Variants in SGCZ observed in about 807,000 individuals in gnomAD.
SGCZ encodes the protein sarcoglycan zeta.
A neutral mutation model predicts 41.3 loss-of-function variants in SGCZ; 40 were observed. The ratio of observed to expected loss-of-function variants is 0.97; its 90% confidence interval spans 0.75 to 1.26. The LOEUF (loss-of-function observed/expected upper bound fraction) is 1.26. Ranked by LOEUF, SGCZ falls within the 50% of genes most tolerant of loss-of-function variation. The pLI, the probability that SGCZ is intolerant of heterozygous loss-of-function variation, is 0.00. For missense variants in SGCZ, 552 were observed against 369.8 expected, an observed-to-expected ratio of 1.49 and a Z score of -4.04; for synonymous variants, 206 against 137.5, an observed-to-expected ratio of 1.50 and a Z score of -3.49.
intron 2 of SGCZ, among the ~76,000 whole-genome samples, chr8:14,467,030 C>A (rs938772062): frequency 6.6e-6 from 1 of 151,776 alleles, no homozygotes; most frequent in African/African-American, 2.4e-5. Flanking sequence ...ATTCTCCTCA[C>A]TTCCTCGGGT....
chr8:14,327,774 T>C (rs949968775), intron 2 of SGCZ, among the ~76,000 whole-genome samples: 1 of 152,198 alleles, frequency 6.6e-6, no homozygotes. Flanking sequence ...TCTGTAAATG[T>C]AGGACTGTTT....
At chr8:15,149,205 T>C (rs1461728833) in intron 1 of SGCZ, among the ~76,000 whole-genome samples, 1 of 152,106 alleles carries the variant, frequency 6.6e-6, no homozygotes, top group Non-Finnish European at 1.5e-5. Flanking sequence ...TAAATGACTA[T>C]CCTTCAAACA....
At chr8:15,185,775 C>A (rs2117097793) in intron 1 of SGCZ, among the ~76,000 whole-genome samples, 1 of 152,222 alleles carries the variant, frequency 6.6e-6, no homozygotes, top group East Asian at 1.9e-4. Context: ...TAATCTAAAG[C>A]CTCAAGATCT....
At chr8:15,079,393 C>T (rs1288199547) in intron 1 of SGCZ, among the ~76,000 whole-genome samples, 1 of 152,134 alleles carries the variant, frequency 6.6e-6, no homozygotes, top group African/African-American at 2.4e-5. Context: ...TCTTTGAGGA[C>T]TTCATAGACA....
At chr8:14,494,806 C>A (rs73664365) in intron 2 of SGCZ, among the ~76,000 whole-genome samples, 12 of 152,182 alleles carry the variant, frequency 7.9e-5, no homozygotes, top group African/African-American at 2.2e-4. Context: ...TTTGCAGTAG[C>A]CTGCAGTGGC....
chr8:14,411,820 G>T (rs989220064), intron 2 of SGCZ, among the ~76,000 whole-genome samples: 1 of 152,042 alleles, frequency 6.6e-6, no homozygotes, highest in East Asian at 1.9e-4. Context: ...TTAAAAATGT[G>T]CTCTTTTTCC....
At chr8:14,780,225 A>G (rs1015266956) in intron 1 of SGCZ, among the ~76,000 whole-genome samples, 1 of 151,990 alleles carries the variant, frequency 6.6e-6, no homozygotes, top group African/African-American at 2.4e-5. Flanking sequence ...ATACAAAAAA[A>G]TTAGCCTGGT....
chr8:14,986,125 T>A (rs1228845554), intron 1 of SGCZ, among the ~76,000 whole-genome samples: 2 of 152,078 alleles, frequency 1.3e-5, no homozygotes, highest in Non-Finnish European at 1.5e-5. Context: ...ATATTATGCA[T>A]TACAGTAAAT....
At chr8:14,582,839 C>T (rs1804936951) in intron 1 of SGCZ, among the ~76,000 whole-genome samples, 1 of 151,550 alleles carries the variant, frequency 6.6e-6, no homozygotes, top group South Asian at 2.1e-4. Flanking sequence ...GACATGAACT[C>T]ATCATTTTTT....
Position 14,090,499 on chromosome 8 carries a change from G to T in SGCZ, c.883C>A (p.Pro295Thr). The T allele has an allele frequency of 6.2e-7, 1 of 1,613,080 alleles. No individual in the cohort carries two copies. ...TGACAAGTGGAACCTACTCCTGCTG[G>T]AGAAAGGTAAAGTTTGCCATTGGGG... ...VCPNGKLYLSPAGVGSTCQSS... is the reference protein window; with the variant it reads ...VCPNGKLYLSTAGVGSTCQSS... The change falls in exon 8 of 8, where the codon CCA becomes ACA. Residue 295 changes from proline to threonine, a missense_variant. Coordinates refer to ENST00000382080, the MANE Select transcript of SGCZ (RefSeq NM_139167.4).
intron 2 of SGCZ, among the ~76,000 whole-genome samples, chr8:14,462,777 A>G (rs1800938715): frequency 6.6e-6 from 1 of 151,858 alleles, no homozygotes; most frequent in Non-Finnish European, 1.5e-5. Flanking sequence ...GATTTGGATA[A>G]GGATCGCATT....
At chr8:14,436,659 G>T (rs902512781) in intron 2 of SGCZ, among the ~76,000 whole-genome samples, 3 of 152,176 alleles carry the variant, frequency 2.0e-5, no homozygotes, top group Non-Finnish European at 2.9e-5. Context: ...AAGATGAAGT[G>T]TTTCTCTTTA....
At chr8:14,749,698 C>T (rs1376139427) in intron 1 of SGCZ, among the ~76,000 whole-genome samples, 1 of 151,814 alleles carries the variant, frequency 6.6e-6, no homozygotes, top group Non-Finnish European at 1.5e-5. Context: ...TATACACATA[C>T]AAAATAACTC....
chr8:14,274,732 CA>C (rs201588939), intron 3 of SGCZ, among the ~76,000 whole-genome samples: 8 of 151,726 alleles, frequency 5.3e-5, no homozygotes, highest in East Asian at 1.9e-4. Context: ...ATTTTTTTCA[CA>C]AAAAAATTAT....
At chr8:14,552,600 C>G (rs1803905659) in intron 2 of SGCZ, among the ~76,000 whole-genome samples, 1 of 152,002 alleles carries the variant, frequency 6.6e-6, no homozygotes, top group African/African-American at 2.4e-5. Context: ...GACCATGTTG[C>G]ATTATAATTT....
chr8:14,910,298 A>G lies in SGCZ; in HGVS notation c.39+327287T>C, dbSNP rs17120576. Among the ~76,000 whole-genome samples the G allele has an allele frequency of 8.9e-3, 1,358 of 152,218 alleles. 16 individuals carry two copies. The highest frequency in any genetic ancestry group is 0.031 in the African/African-American group (1,278 of 41,566). ...GATTTTCACCAATACACATTGATAT[A>G]TATTTAGTCAGTTAATTAAAATTTA... is the stretch of plus-strand genomic sequence containing the variant. On this transcript the variant is annotated intron_variant, in intron 1 of 7. Coordinates refer to ENST00000382080, the MANE Select transcript of SGCZ (RefSeq NM_139167.4).
intron 5 of SGCZ, among the ~76,000 whole-genome samples, chr8:14,121,296 C>G (rs1480548639): frequency 6.6e-6 from 1 of 151,898 alleles, no homozygotes; most frequent in Non-Finnish European, 1.5e-5. Context: ...ACATGTCACG[C>G]TGTCATAGCT....
intron 1 of SGCZ, among the ~76,000 whole-genome samples, chr8:14,636,949 T>C (rs1806848634): frequency 6.6e-6 from 1 of 151,928 alleles, no homozygotes; most frequent in African/African-American, 2.4e-5. Flanking sequence ...AATGGCAGCA[T>C]TTAACATTCT....
chr8:14,433,089 A>C (rs1372310439), intron 2 of SGCZ, among the ~76,000 whole-genome samples: 2 of 152,158 alleles, frequency 1.3e-5, no homozygotes, highest in African/African-American at 2.4e-5. Flanking sequence ...AGTATAAATA[A>C]AGGAATTTCA....
Sources: allele counts gnomAD v4.1 joint callset (sites outside exome capture counted in the v4.1 genomes callset), GRCh38; gene constraint gnomAD v4.1.1; transcripts MANE v1.5; gene names NCBI Gene and HGNC (gene_info 2026-07-23, HGNC 2026-07-21).